RPTOR: variants seen among roughly 807,000 people sequenced by gnomAD.
RPTOR encodes regulatory-associated protein of mTOR.
A neutral mutation model predicts 169.9 loss-of-function variants in RPTOR; 21 were observed. That is an observed-to-expected ratio of 0.12 (90% CI 0.09 to 0.18). RPTOR has a LOEUF of 0.18. Among genes scored for constraint, RPTOR ranks in the 10% least tolerant of loss-of-function variants. RPTOR has a pLI of 1.00. For missense variants in RPTOR, 1,133 were observed against 1,855.9 expected, an observed-to-expected ratio of 0.61 and a Z score of 7.16; for synonymous variants, 732 against 753.2, an observed-to-expected ratio of 0.97 and a Z score of 0.46.
At chr17:80,910,740 C>T (rs2068602403) in intron 21 of RPTOR, among the ~76,000 whole-genome samples, 2 of 152,158 alleles carry the variant, frequency 1.3e-5, no homozygotes, top group Admixed American at 1.3e-4. Flanking sequence ...TGATATTATA[C>T]TTCTGTGGCT....
At chr17:80,688,422 G>C (rs1205525850) in intron 3 of RPTOR, among the ~76,000 whole-genome samples, 1 of 152,188 alleles carries the variant, frequency 6.6e-6, no homozygotes, top group Admixed American at 6.5e-5. Context: ...ATAATTAAAA[G>C]GTTTATCAAG....
intron 27 of RPTOR, 64 bp from the exon 28 acceptor site, chr17:80,949,378 CG>C: frequency 7.4e-7 from 1 of 1,345,634 alleles, no homozygotes; most frequent in Non-Finnish European, 1.1e-6. Context: ...CTTACCACCA[CG>C]CACAGAGCAC....
chr17:80,959,508 C>T lies in RPTOR; in HGVS notation c.3478-570C>T, dbSNP rs905159256. ...AGCACCGCCCATCGTGCGTGGAAAG[C>T]GCTCTCCCTCTCGTGGCCCTTTTCC... On this transcript the variant is annotated intron_variant, in intron 29 of 33. Transcript: ENST00000306801. The surrounding 1 kb of genome is among the most constrained non-coding windows in gnomAD (Gnocchi z 6.7). Among the ~76,000 whole-genome samples the T allele has an allele frequency of 6.6e-6, 1 of 152,182 alleles. No homozygotes were observed. Among genetic ancestry groups the T allele is most frequent in the African/African-American group, 2.4e-5 (1 of 41,452 alleles).
intron 21 of RPTOR, among the ~76,000 whole-genome samples, chr17:80,914,414 T>A (rs767388050): frequency 1.2e-4 from 18 of 152,122 alleles, no homozygotes; most frequent in Non-Finnish European, 2.1e-4. Context: ...GACCCAGCCA[T>A]CTCTGCTCTT....
At chr17:80,837,439 C>G (rs1201832413) in intron 9 of RPTOR, among the ~76,000 whole-genome samples, 1 of 152,164 alleles carries the variant, frequency 6.6e-6, no homozygotes, top group Non-Finnish European at 1.5e-5. Flanking sequence ...CTTTCCCTGA[C>G]TGCATGCCGA....
intron 28 of RPTOR, among the ~76,000 whole-genome samples, chr17:80,953,574 C>T (rs2069210300): frequency 6.6e-6 from 1 of 152,266 alleles, no homozygotes; most frequent in Non-Finnish European, 1.5e-5. Flanking sequence ...GGCCGTGCCT[C>T]CAGGCAGGAC....
At chr17:80,739,561 C>G (rs911151157) in intron 5 of RPTOR, among the ~76,000 whole-genome samples, 1 of 152,142 alleles carries the variant, frequency 6.6e-6, no homozygotes, top group Admixed American at 6.5e-5. Flanking sequence ...TCATCAAGGT[C>G]GGTCACATCC....
At chr17:80,906,708 C>T (rs1274417566) in intron 20 of RPTOR, among the ~76,000 whole-genome samples, 3 of 152,206 alleles carry the variant, frequency 2.0e-5, no homozygotes, top group Non-Finnish European at 2.9e-5. Context: ...TCATGATTCA[C>T]GCCAGCACAG....
At chr17:80,838,076 C>T in intron 10 of RPTOR, 79 bp downstream of exon 10, 1 of 1,238,188 alleles carries the variant, frequency 8.1e-7, no homozygotes, top group South Asian at 1.3e-5. Flanking sequence ...AGCCCCCAGA[C>T]TGGGGGTGGT....
chr17:80,866,962 A>G (rs952665857), intron 13 of RPTOR, among the ~76,000 whole-genome samples: 5 of 152,340 alleles, frequency 3.3e-5, no homozygotes, highest in East Asian at 1.9e-4. Flanking sequence ...TTTACTGAAC[A>G]TTAAGGAAGA....
intron 11 of RPTOR, among the ~76,000 whole-genome samples, chr17:80,854,730 T>TA (rs1194419484): frequency 6.6e-6 from 1 of 152,110 alleles, no homozygotes. Flanking sequence ...CCCATCTCTA[T>TA]AAAAAATACA....
At chr17:80,886,589 TAGAG>T (rs1306632501) in intron 17 of RPTOR, among the ~76,000 whole-genome samples, 1 of 152,274 alleles carries the variant, frequency 6.6e-6, no homozygotes, top group East Asian at 1.9e-4. Context: ...GATATGAAAA[TAGAG>T]AGGACGTTAG....
intron 3 of RPTOR, among the ~76,000 whole-genome samples, chr17:80,692,327 ATG>A (rs1416392791): frequency 2.1e-5 from 3 of 145,782 alleles, no homozygotes; most frequent in Non-Finnish European, 4.5e-5. Flanking sequence ...ATGTTATGTT[ATG>A]TTATTTTTTT....
chr17:80,824,917 G>A (rs1045012228), intron 9 of RPTOR, among the ~76,000 whole-genome samples: 1 of 152,236 alleles, frequency 6.6e-6, no homozygotes, highest in African/African-American at 2.4e-5. Context: ...GAGGACAGGT[G>A]CAGGGAGGGG....
At chr17:80,913,028 G>T (rs1001497273) in intron 21 of RPTOR, among the ~76,000 whole-genome samples, 1 of 152,104 alleles carries the variant, frequency 6.6e-6, no homozygotes, top group Non-Finnish European at 1.5e-5. Context: ...GTGTGCACGC[G>T]TGTGTGTGTG....
chr17:80,823,849 C>T lies in RPTOR; in HGVS notation c.1136+626C>T, dbSNP rs1427027316. Among the ~76,000 whole-genome samples, 2 of 152,156 alleles carry T rather than the reference C, an allele frequency of 1.3e-5. No individual in the cohort carries two copies. The highest frequency in any genetic ancestry group is 4.8e-5 in the African/African-American group (2 of 41,430). On this transcript the variant is annotated intron_variant, in intron 9 of 33. Transcript: ENST00000306801. The surrounding 1 kb of genome is among the most constrained non-coding windows in gnomAD (Gnocchi z 4.5). ...TGGTTTCTTTCTGTTCTGTGGCTGT[C>T]CTAACAAGCAGGTTTGGGCAAATTC...
intron 6 of RPTOR, among the ~76,000 whole-genome samples, chr17:80,775,986 C>T (rs7208536): frequency 0.27 from 41,333 of 151,952 alleles, 5,783 homozygotes; most frequent in African/African-American, 0.33. Context: ...ATTTCCCTCT[C>T]ATAAAATTAT....
At chr17:80,565,793 C>T (rs1414023709) in intron 1 of RPTOR, among the ~76,000 whole-genome samples, 2 of 152,220 alleles carry the variant, frequency 1.3e-5, no homozygotes, top group African/African-American at 4.8e-5. Context: ...CCCTAGCAGG[C>T]TTATTTTGTT....
intron 3 of RPTOR, among the ~76,000 whole-genome samples, chr17:80,696,741 G>C (rs1394795509): frequency 6.6e-6 from 1 of 152,224 alleles, no homozygotes; most frequent in African/African-American, 2.4e-5. Flanking sequence ...GCACGTGAGT[G>C]AGCGAGTGTG....
Sources: gnomAD v4.1 joint callset for allele counts (sites outside exome capture counted in the v4.1 genomes callset) on GRCh38, gnomAD v4.1.1 for gene constraint, Gnocchi (gnomAD v3.1) non-coding constraint, MANE v1.5 for transcripts, NCBI Gene and HGNC (gene_info 2026-07-23, HGNC 2026-07-21) for gene names.